Variants in TRHDE observed in about 807,000 individuals in gnomAD.
The protein encoded by TRHDE is thyrotropin releasing hormone degrading enzyme.
TRHDE carries 72 observed loss-of-function variants against 125.7 expected under a neutral mutation model. The observed-to-expected ratio is 0.57, with a 90% confidence interval of 0.47 to 0.70. The LOEUF (loss-of-function observed/expected upper bound fraction) is 0.70, where lower values mean the gene tolerates loss of function less well. Ranked by LOEUF, TRHDE falls within the 30% of genes least tolerant of loss-of-function variation. The pLI, the probability that TRHDE is intolerant of heterozygous loss-of-function variation, is 0.00. For synonymous variants in TRHDE, 509 were observed against 509.1 expected (o/e 1.00, Z 0.00); for missense variants, 1,110 against 1,327.1 (o/e 0.84, Z 2.54).
chr12:72,391,599 A>G (rs962548417), intron 3 of TRHDE, among the ~76,000 whole-genome samples: 1 of 152,174 alleles, frequency 6.6e-6, no homozygotes, highest in African/African-American at 2.4e-5. Flanking sequence ...TAAGCTTTTA[A>G]ATTGTTTAGC....
intron 2 of TRHDE, among the ~76,000 whole-genome samples, chr12:72,108,234 A>G (rs572939503): frequency 1.3e-5 from 2 of 152,214 alleles, no homozygotes; most frequent in South Asian, 4.1e-4. Flanking sequence ...TTTTATGCAA[A>G]TAGATGGATT....
intron 2 of TRHDE, among the ~76,000 whole-genome samples, chr12:72,324,345 T>C (rs1869240261): frequency 6.6e-6 from 1 of 152,068 alleles, no homozygotes; most frequent in Admixed American, 6.6e-5. Flanking sequence ...CCCTGATATT[T>C]ACATATTGCC....
chr12:72,394,596 C>T (rs1872721969), intron 3 of TRHDE, among the ~76,000 whole-genome samples: 1 of 152,154 alleles, frequency 6.6e-6, no homozygotes, highest in African/African-American at 2.4e-5. Context: ...CCCCTATGCC[C>T]TTAACTTCTA....
At chr12:72,351,237 G>A (rs953172798) in intron 2 of TRHDE, among the ~76,000 whole-genome samples, 1 of 152,004 alleles carries the variant, frequency 6.6e-6, no homozygotes, top group Non-Finnish European at 1.5e-5. Flanking sequence ...AGCAATGAAA[G>A]TAATGGATGT....
At position 72,477,408 on chromosome 12, in the gene TRHDE, A is replaced by G. The variant is rs551068280; in HGVS notation, c.1584+4228A>G. 2.2e-4 allele frequency among the ~76,000 whole-genome samples: 34 copies of G among 152,352 alleles called. No homozygotes were observed. The South Asian group carries it at 5.2e-3, about 23-fold the overall frequency. ...GCAATGTGGACTATTCCATAGGAAC[A>G]TAAGCCTTAGATAATGTTTCATTCA... is the stretch of plus-strand genomic sequence containing the variant. On this transcript the variant is annotated intron_variant, in intron 5 of 18. Coordinates refer to ENST00000261180, the MANE Select transcript of TRHDE (RefSeq NM_013381.3).
At chr12:72,148,520 A>C (rs1876280225) in intron 2 of TRHDE, among the ~76,000 whole-genome samples, 1 of 152,226 alleles carries the variant, frequency 6.6e-6, no homozygotes, top group Non-Finnish European at 1.5e-5. Context: ...AAAGATGTAG[A>C]CAGACTATAA....
At chr12:72,142,931 G>GC (rs1303240565) in intron 2 of TRHDE, among the ~76,000 whole-genome samples, 2 of 151,744 alleles carry the variant, frequency 1.3e-5, no homozygotes, top group African/African-American at 4.8e-5. Flanking sequence ...ATAAAACCTT[G>GC]CATTCATCCT....
intron 6 of TRHDE, among the ~76,000 whole-genome samples, chr12:72,505,703 A>C (rs1418403964): frequency 9.2e-5 from 14 of 152,304 alleles, no homozygotes; most frequent in Admixed American, 5.9e-4. Flanking sequence ...TGGGGACATA[A>C]ATTTTTTAAA....
At chr12:72,135,548 TG>T (rs978712671) in intron 2 of TRHDE, among the ~76,000 whole-genome samples, 2 of 149,498 alleles carry the variant, frequency 1.3e-5, no homozygotes, top group Non-Finnish European at 1.5e-5. Flanking sequence ...TGTGTAAACA[TG>T]TTTTTTTTTT....
intron 2 of TRHDE, among the ~76,000 whole-genome samples, chr12:72,297,353 T>C (rs1880338880): frequency 6.6e-6 from 1 of 152,232 alleles, no homozygotes; most frequent in South Asian, 2.1e-4. Context: ...GAAGATTGTA[T>C]GTGATAGAGA....
intron 2 of TRHDE, among the ~76,000 whole-genome samples, chr12:72,339,856 A>G (rs191448146): frequency 2.3e-3 from 357 of 152,302 alleles, no homozygotes; most frequent in African/African-American, 8.3e-3. Context: ...GCCCTTGGCC[A>G]CAGGGACCTT....
chr12:72,578,733 A>G (rs1871112552), intron 12 of TRHDE, among the ~76,000 whole-genome samples: 1 of 152,164 alleles, frequency 6.6e-6, no homozygotes, highest in Admixed American at 6.6e-5. Context: ...TATTTAGACT[A>G]TTAACTTTAT....
chr12:72,550,251 C>T (rs575917016), intron 7 of TRHDE, among the ~76,000 whole-genome samples: 3 of 151,984 alleles, frequency 2.0e-5, no homozygotes, highest in Middle Eastern at 3.4e-3. Context: ...ATGCCGATTA[C>T]AGATGCCAAT....
intron 3 of TRHDE, among the ~76,000 whole-genome samples, chr12:72,468,568 G>A (rs1355526746): frequency 6.6e-6 from 1 of 152,196 alleles, no homozygotes; most frequent in East Asian, 1.9e-4. Context: ...GAAAGCACAG[G>A]TGCTGGAACC....
intron 9 of TRHDE, among the ~76,000 whole-genome samples, chr12:72,563,737 T>C (rs1331400513): frequency 4.0e-5 from 6 of 149,012 alleles, no homozygotes; most frequent in Admixed American, 1.4e-4. Flanking sequence ...TATTAAAACT[T>C]AAATCATTCC....
At chr12:72,568,448 T>A (rs1390730518) in intron 9 of TRHDE, 120 bp from the exon 10 acceptor site, 1 of 546,656 alleles carries the variant, frequency 1.8e-6, no homozygotes, top group East Asian at 3.0e-5. Flanking sequence ...CCGGAATTAT[T>A]TTTTTTTAGT....
rs530698493 is a variant in TRHDE at position 72,664,580 on chromosome 12, G to A, written c.*1385G>A. ...AATGGTATTCTCACCCAGTAGGCCA[G>A]CTCTCCAAACGTTGCTTAGATGCTT... On this transcript the variant is annotated 3_prime_UTR_variant, in exon 19 of 19. Coordinates refer to ENST00000261180, the MANE Select transcript of TRHDE (RefSeq NM_013381.3). 8 of 152,228 alleles carry A rather than the reference G, an allele frequency of 5.3e-5. No homozygotes were observed. In the South Asian group the frequency reaches 1.2e-3, roughly 24 times the overall value. The allele number at this position is 152,228 out of a possible 1,614,324, so 9.4% of individuals were successfully genotyped here.
intron 15 of TRHDE, among the ~76,000 whole-genome samples, chr12:72,629,888 C>G (rs1873409591): frequency 6.6e-6 from 1 of 151,348 alleles, no homozygotes; most frequent in African/African-American, 2.4e-5. Flanking sequence ...TGATTCTATA[C>G]ATATAATTCA....
intron 3 of TRHDE, among the ~76,000 whole-genome samples, chr12:72,426,633 C>G (rs1315754110): frequency 6.6e-6 from 1 of 151,380 alleles, no homozygotes; most frequent in African/African-American, 2.4e-5. Flanking sequence ...AGAGACAGGA[C>G]AAGTTCAACA....
Sources: gnomAD v4.1 joint callset for allele counts (sites outside exome capture counted in the v4.1 genomes callset) on GRCh38, gnomAD v4.1.1 for gene constraint, MANE v1.5 for transcripts, NCBI Gene and HGNC (gene_info 2026-07-23, HGNC 2026-07-21) for gene names.